The following UTRN variants were observed in gnomAD, a reference collection of about 807,000 sequenced individuals.
UTRN encodes the protein dystrophin-related protein 1.
Under a neutral mutation model 463.9 loss-of-function variants are expected in UTRN, and 283 were observed. That is an observed-to-expected ratio of 0.61 (90% CI 0.55 to 0.67). The LOEUF (loss-of-function observed/expected upper bound fraction) is 0.67, where lower values mean the gene tolerates loss of function less well. UTRN is among the 30% of genes least tolerant of loss of function. UTRN has a pLI of 0.00. For synonymous variants in UTRN, 1,442 were observed against 1,431.5 expected, an observed-to-expected ratio of 1.01 and a Z score of -0.17; for missense variants, 3,922 against 4,084.3, an observed-to-expected ratio of 0.96 and a Z score of 1.08.
At chr6:144,773,899 G>A (rs1775075327) in intron 59 of UTRN, among the ~76,000 whole-genome samples, 1 of 152,098 alleles carries the variant, frequency 6.6e-6, no homozygotes, top group Admixed American at 6.5e-5. Context: ...CCCACCTTGG[G>A]GAAGGGGAAT....
At position 144,516,382 on chromosome 6, in the gene UTRN, G is replaced by T; in HGVS notation, c.5398G>T (p.Glu1800Ter). 6.2e-7 allele frequency: 1 copy of T among 1,612,440 alleles called. No homozygotes were observed. Among genetic ancestry groups the T allele is most frequent in the Non-Finnish European group, 8.5e-7 (1 of 1,179,598 alleles). Residue 1800 changes from glutamate (E) to a stop codon, truncating the protein, a stop_gained, in exon 38 of 75, where the codon GAA becomes TAA. Transcript: ENST00000367545. LOFTEE classifies it high-confidence loss of function. ...EKHLESSDED[E>*]KMDEESAQIE... ...ACACTTGGAATCCAGTGATGAAGATGAAAAGGTTGGTTCAAGGAGATTTCA... is the reference window on the plus strand; with the variant it reads ...ACACTTGGAATCCAGTGATGAAGATTAAAAGGTTGGTTCAAGGAGATTTCA...
chr6:144,772,363 C>T (rs903294695), intron 59 of UTRN, among the ~76,000 whole-genome samples: 7 of 152,076 alleles, frequency 4.6e-5, no homozygotes, highest in African/African-American at 7.2e-5. Flanking sequence ...AATCACCAGC[C>T]TTTCTTACAT....
At chr6:144,368,798 A>G (rs945735977) in intron 2 of UTRN, among the ~76,000 whole-genome samples, 4 of 152,192 alleles carry the variant, frequency 2.6e-5, no homozygotes, top group African/African-American at 9.7e-5. Flanking sequence ...AAATGAATAA[A>G]TGATAAGGTT....
chr6:144,478,336 C>T (rs997639946), intron 25 of UTRN, among the ~76,000 whole-genome samples: 3 of 152,086 alleles, frequency 2.0e-5, no homozygotes, highest in African/African-American at 7.2e-5. Context: ...CTTTTTGGAT[C>T]TGTGAAAATT....
Position 144,744,279 on chromosome 6 carries a change from C to G in UTRN, c.7940-3967C>G, listed in dbSNP as rs1393651934. Among the ~76,000 whole-genome samples the G allele has an allele frequency of 9.2e-5, 13 of 140,894 alleles. 1 individual carries two copies. The allele number at this position is 140,894 out of a possible 152,430, so 92.4% of individuals were successfully genotyped here. ...TTCAGCTGGGGCAACAGAGCAAGAC[C>G]CTGACTAAAAAAAAAATGGTGTATA... is the stretch of plus-strand genomic sequence containing the variant. On this transcript the variant is annotated intron_variant, in intron 54 of 74. Transcript: ENST00000367545.
chr6:144,678,948 A>G (rs1173225812), intron 52 of UTRN, among the ~76,000 whole-genome samples: 1 of 152,142 alleles, frequency 6.6e-6, no homozygotes, highest in Non-Finnish European at 1.5e-5. Flanking sequence ...GTGGGTGGTA[A>G]CATTATTTCT....
At chr6:144,572,891 A>G (rs1801085847) in intron 50 of UTRN, among the ~76,000 whole-genome samples, 1 of 152,216 alleles carries the variant, frequency 6.6e-6, no homozygotes, top group Admixed American at 6.5e-5. Context: ...AGAATGATTT[A>G]TAATCTTTTG....
At chr6:144,342,916 A>C (rs561832726) in intron 2 of UTRN, among the ~76,000 whole-genome samples, 23 of 152,328 alleles carry the variant, frequency 1.5e-4, no homozygotes, top group African/African-American at 5.1e-4. Flanking sequence ...CCTCCCTGTG[A>C]CAGTCCTAGA....
At chr6:144,599,915 C>T (rs1376036342) in intron 51 of UTRN, among the ~76,000 whole-genome samples, 2 of 152,140 alleles carry the variant, frequency 1.3e-5, no homozygotes, top group African/African-American at 4.8e-5. Context: ...GTTTTTCCAA[C>T]AGCATGTACT....
intron 74 of UTRN, among the ~76,000 whole-genome samples, chr6:144,849,583 T>TC (rs1416159790): frequency 6.6e-6 from 1 of 152,150 alleles, no homozygotes; most frequent in African/African-American, 2.4e-5. Context: ...TTTTCTTCCT[T>TC]CCCTTTCCAT....
chr6:144,395,965 T>C (rs1389551928), intron 2 of UTRN, among the ~76,000 whole-genome samples: 1 of 152,154 alleles, frequency 6.6e-6, no homozygotes, highest in Non-Finnish European at 1.5e-5. Context: ...TGGGAAATAG[T>C]TTGCTGGTTC....
At chr6:144,302,904 CTG>C (rs1805413403) in intron 2 of UTRN, among the ~76,000 whole-genome samples, 1 of 152,164 alleles carries the variant, frequency 6.6e-6, no homozygotes, top group Non-Finnish European at 1.5e-5. Context: ...TCCCTGGTAA[CTG>C]AGTGTGGCTG....
intron 2 of UTRN, among the ~76,000 whole-genome samples, chr6:144,316,013 C>T (rs1775263950): frequency 1.3e-5 from 2 of 152,162 alleles, no homozygotes; most frequent in African/African-American, 4.8e-5. Flanking sequence ...ATACATTTCC[C>T]TCAGTTGTTT....
intron 69 of UTRN, among the ~76,000 whole-genome samples, chr6:144,830,611 C>CA (rs1780584359): frequency 6.6e-6 from 1 of 152,216 alleles, no homozygotes; most frequent in South Asian, 2.1e-4. Flanking sequence ...GTCCATCCTG[C>CA]AACCCACAGG....
Position 144,510,972 on chromosome 6 carries a change from A to T in UTRN, c.4793A>T (p.Lys1598Ile). 1.9e-6 allele frequency: 3 copies of T among 1,604,166 alleles called. No individual in the cohort carries two copies. Among genetic ancestry groups the T allele is most frequent in the Non-Finnish European group, 2.6e-6 (3 of 1,173,978 alleles). The change falls in exon 35 of 75, where the codon AAA becomes ATA. Residue 1598 changes from lysine (K) to isoleucine (I), a missense_variant. By Grantham distance (102) the Lys-to-Ile change is moderately radical. Coordinates refer to ENST00000367545, the MANE Select transcript of UTRN (RefSeq NM_007124.3). Reference sequence around the variant, plus strand: ...GTTCTGAAGGATCTGGAAAAGAGAAAAGCTGATTTAAATACCATCACAGAG... The same window carrying T: ...GTTCTGAAGGATCTGGAAAAGAGAATAGCTGATTTAAATACCATCACAGAG... The part of the protein sequence containing the change: ...KNVLKDLEKR[K>I]ADLNTITESS...
chr6:144,683,266 A>G (rs570123954), intron 52 of UTRN, among the ~76,000 whole-genome samples: 1 of 152,280 alleles, frequency 6.6e-6, no homozygotes, highest in East Asian at 1.9e-4. Flanking sequence ...CAGTATCTTC[A>G]TGGCCTGTCG....
intron 52 of UTRN, among the ~76,000 whole-genome samples, chr6:144,682,887 T>C (rs1782355283): frequency 6.6e-6 from 1 of 152,214 alleles, no homozygotes; most frequent in African/African-American, 2.4e-5. Context: ...GCTATTATTA[T>C]TCTCATTGAT....
intron 57 of UTRN, among the ~76,000 whole-genome samples, chr6:144,757,092 T>C (rs1792074383): frequency 6.6e-6 from 1 of 152,080 alleles, no homozygotes; most frequent in Admixed American, 6.6e-5. Context: ...TTCCAAGTAT[T>C]ATTTGAATTT....
intron 2 of UTRN, among the ~76,000 whole-genome samples, chr6:144,336,732 G>T (rs1408535638): frequency 2.0e-5 from 3 of 151,528 alleles, no homozygotes; most frequent in African/African-American, 4.9e-5. Flanking sequence ...TTTTTTTAAA[G>T]TAATATTTTA....
Sources: gnomAD v4.1 joint callset for allele counts (sites outside exome capture counted in the v4.1 genomes callset) on GRCh38, gnomAD v4.1.1 for gene constraint, MANE v1.5 for transcripts, NCBI Gene and HGNC (gene_info 2026-07-23, HGNC 2026-07-21) for gene names.